The following LRMDA variants were observed in gnomAD, a reference collection of about 807,000 sequenced individuals.
LRMDA encodes leucine-rich melanocyte differentiation-associated protein.
LRMDA carries 18 observed loss-of-function variants against 29.8 expected under a neutral mutation model. The observed-to-expected ratio is 0.60, with a 90% CI of 0.42 to 0.90. The LOEUF (loss-of-function observed/expected upper bound fraction) is 0.90. LRMDA is among the 40% of genes least tolerant of loss of function. LRMDA has a pLI of 0.00. For synonymous variants in LRMDA, 125 were observed against 109.4 expected (o/e 1.14, Z -0.89); for missense variants, 273 against 273.9 (o/e 1.00, Z 0.02).
chr10:75,627,874 A>G (rs1841271865), intron 2 of LRMDA, among the ~76,000 whole-genome samples: 1 of 152,206 alleles, frequency 6.6e-6, no homozygotes, highest in African/African-American at 2.4e-5. Context: ...GTAAATATGT[A>G]TCTTTTAAAT....
chr10:76,415,586 T>C (rs1051109157), intron 6 of LRMDA, among the ~76,000 whole-genome samples: 1 of 150,550 alleles, frequency 6.6e-6, no homozygotes, highest in African/African-American at 2.4e-5. Context: ...TTCTCTCATC[T>C]TTGGCTGGGG....
At chr10:75,695,721 C>A (rs1042581848) in intron 2 of LRMDA, among the ~76,000 whole-genome samples, 1 of 152,178 alleles carries the variant, frequency 6.6e-6, no homozygotes, top group African/African-American at 2.4e-5. Context: ...CCATAACTAG[C>A]AGTTTCTTGT....
chr10:75,700,275 A>G (rs2132168928), intron 2 of LRMDA, among the ~76,000 whole-genome samples: 1 of 150,894 alleles, frequency 6.6e-6, no homozygotes, highest in African/African-American at 2.4e-5. Context: ...TTTTTTTACC[A>G]AATATTAAAC....
Position 76,367,256 on chromosome 10 carries a change from T to C in LRMDA, c.601+42771T>C, listed in dbSNP as rs1841401647. ...TTTCCTGGTTTTGGTATTAGGGTGA[T>C]GCTGGATTCATAGAATGAATTTGAG... On this transcript the variant is annotated intron_variant, in intron 6 of 6. Coordinates refer to ENST00000611255, the MANE Select transcript of LRMDA (RefSeq NM_001305581.2). Among the ~76,000 whole-genome samples the C allele has an allele frequency of 2.0e-5, 3 of 152,180 alleles. No individual in the cohort carries two copies. In the South Asian group the frequency reaches 6.2e-4, roughly 31 times the overall value.
intron 6 of LRMDA, among the ~76,000 whole-genome samples, chr10:76,544,611 A>C (rs1843396658): frequency 6.6e-6 from 1 of 152,148 alleles, no homozygotes; most frequent in African/African-American, 2.4e-5. Flanking sequence ...ACAGAGGTTC[A>C]TATAACTCTT....
intron 2 of LRMDA, among the ~76,000 whole-genome samples, chr10:75,684,710 G>A (rs898142200): frequency 6.6e-6 from 1 of 152,154 alleles, no homozygotes; most frequent in African/African-American, 2.4e-5. Context: ...TGTTTTCCAA[G>A]GACTTCAGAA....
intron 2 of LRMDA, among the ~76,000 whole-genome samples, chr10:75,908,206 G>A (rs906232407): frequency 5.3e-5 from 8 of 152,182 alleles, no homozygotes; most frequent in South Asian, 2.1e-4. Flanking sequence ...AAGCTGAGGC[G>A]CAGAGAAGTT....
At chr10:76,102,714 G>A (rs1016375807) in intron 5 of LRMDA, among the ~76,000 whole-genome samples, 5 of 152,022 alleles carry the variant, frequency 3.3e-5, no homozygotes, top group Non-Finnish European at 5.9e-5. Context: ...CTGCAGTGGC[G>A]CAATCATGGT....
intron 2 of LRMDA, among the ~76,000 whole-genome samples, chr10:75,853,363 C>G (rs1844765025): frequency 6.6e-6 from 1 of 151,970 alleles, no homozygotes; most frequent in African/African-American, 2.4e-5. Flanking sequence ...GAAGCACATT[C>G]TCTTACTTCT....
chr10:76,047,818 A>G (rs1203522388), intron 4 of LRMDA, among the ~76,000 whole-genome samples: 1 of 152,140 alleles, frequency 6.6e-6, no homozygotes, highest in Non-Finnish European at 1.5e-5. Flanking sequence ...CTCATAGACA[A>G]TCTCAAGAGG....
chr10:75,937,005 A>G (rs1427426154), intron 2 of LRMDA, among the ~76,000 whole-genome samples: 1 of 152,220 alleles, frequency 6.6e-6, no homozygotes, highest in Non-Finnish European at 1.5e-5. Flanking sequence ...TCAATATTAT[A>G]AAATCATCCT....
intron 6 of LRMDA, among the ~76,000 whole-genome samples, chr10:76,374,317 A>G (rs538007326): frequency 1.3e-5 from 2 of 152,178 alleles, no homozygotes; most frequent in Non-Finnish European, 2.9e-5. Context: ...AAGAGTTCAG[A>G]TAGTGAAAAT....
chr10:76,147,950 C>T (rs1273014835), intron 5 of LRMDA, among the ~76,000 whole-genome samples: 1 of 152,198 alleles, frequency 6.6e-6, no homozygotes, highest in Non-Finnish European at 1.5e-5. Flanking sequence ...TAGAGGTCCA[C>T]TCTAGACCCT....
intron 6 of LRMDA, among the ~76,000 whole-genome samples, chr10:76,480,902 A>C (rs890575187): frequency 1.3e-5 from 2 of 151,954 alleles, no homozygotes; most frequent in African/African-American, 4.8e-5. Context: ...ATGTATTGAG[A>C]AACAGTAAGT....
intron 2 of LRMDA, among the ~76,000 whole-genome samples, chr10:75,632,554 T>C (rs923648873): frequency 1.3e-5 from 2 of 152,238 alleles, no homozygotes; most frequent in Non-Finnish European, 1.5e-5. Context: ...TATTTTAATA[T>C]TTTATCTAAG....
At position 76,094,801 on chromosome 10, in the gene LRMDA, A is replaced by G. The variant is rs150557690; in HGVS notation, c.516+36018A>G. ...AAGTAACTACTATTAAAATCATTCC[A>G]TATTTTACACATATTTCACCACCTA... On this transcript the variant is annotated intron_variant, in intron 5 of 6. Transcript: ENST00000611255. Among the ~76,000 whole-genome samples, 978 of 152,262 alleles carry G rather than the reference A, an allele frequency of 6.4e-3. 10 individuals carry two copies. The highest frequency in any genetic ancestry group is 0.022 in the African/African-American group (908 of 41,544).
chr10:76,447,021 A>T (rs1326541952), intron 6 of LRMDA, among the ~76,000 whole-genome samples: 3 of 150,948 alleles, frequency 2.0e-5, no homozygotes, highest in African/African-American at 7.3e-5. Context: ...TGTTCGGTAT[A>T]TGTTGGAGAC....
intron 2 of LRMDA, among the ~76,000 whole-genome samples, chr10:75,824,654 C>T (rs1000561005): frequency 6.6e-6 from 1 of 152,178 alleles, no homozygotes. Flanking sequence ...CTGGCTTTTG[C>T]TCCCTCTTAT....
At position 76,227,275 on chromosome 10, in the gene LRMDA, T is replaced by C. The variant is rs142245987; in HGVS notation, c.517-97126T>C. Among the ~76,000 whole-genome samples, 149 of 152,356 alleles carry C rather than the reference T, an allele frequency of 9.8e-4. 3 individuals carry two copies. In the East Asian group the frequency reaches 0.026, roughly 27 times the overall value. ...AATATCAGTAAATATATCGGTAAAG[T>C]ATATTGAAGCACTAGCTGTGGACTT... On this transcript the variant is annotated intron_variant, in intron 5 of 6. Transcript: ENST00000611255.
Sources: allele counts gnomAD v4.1 joint callset (sites outside exome capture counted in the v4.1 genomes callset), GRCh38; gene constraint gnomAD v4.1.1; transcripts MANE v1.5; gene names NCBI Gene and HGNC (gene_info 2026-07-23, HGNC 2026-07-21).